Variants in SLC9A9 observed in about 807,000 individuals in gnomAD.
SLC9A9 encodes sodium/hydrogen exchanger 9.
SLC9A9 carries 62 observed loss-of-function variants against 77.8 expected under a neutral mutation model. The observed-to-expected ratio is 0.80, with a 90% CI of 0.65 to 0.98. The LOEUF (loss-of-function observed/expected upper bound fraction) is 0.98. Ranked by LOEUF, SLC9A9 falls within the 50% of genes least tolerant of loss-of-function variation. The pLI is 0.00. For synonymous variants in SLC9A9, 320 were observed against 283.5 expected, an observed-to-expected ratio of 1.13 and a Z score of -1.29; for missense variants, 775 against 774.9, an observed-to-expected ratio of 1.00 and a Z score of 0.00.
At chr3:143,343,296 T>C (rs1346641059) in intron 14 of SLC9A9, 2 of 152,174 alleles carry the variant, frequency 1.3e-5, no homozygotes, top group East Asian at 3.8e-4. Flanking sequence ...TTTTGATTTT[T>C]TTGTAGTGGC....
At chr3:143,644,679 T>C (rs1325254842) in intron 6 of SLC9A9, among the ~76,000 whole-genome samples, 1 of 152,104 alleles carries the variant, frequency 6.6e-6, no homozygotes, top group Non-Finnish European at 1.5e-5. Context: ...ATTCCTGCCA[T>C]GTGATGCCAC....
At chr3:143,709,330 T>C (rs1340516314) in intron 4 of SLC9A9, among the ~76,000 whole-genome samples, 3 of 152,094 alleles carry the variant, frequency 2.0e-5, no homozygotes, top group African/African-American at 7.2e-5. Context: ...CAAAATGCAG[T>C]CAGGGGCCAG....
At chr3:143,325,263 G>C (rs74660882) in intron 14 of SLC9A9, among the ~76,000 whole-genome samples, 3,120 of 152,264 alleles carry the variant, frequency 0.02, 93 homozygotes, top group African/African-American at 0.07. Context: ...GACTGAATGA[G>C]AAAATGCATG....
intron 4 of SLC9A9, among the ~76,000 whole-genome samples, chr3:143,744,586 A>G (rs1314243227): frequency 1.3e-5 from 2 of 152,198 alleles, no homozygotes; most frequent in Non-Finnish European, 2.9e-5. Context: ...TCAGCGAAAA[A>G]GCCTCCTGAT....
intron 9 of SLC9A9, among the ~76,000 whole-genome samples, chr3:143,498,893 T>TA (rs1033828141): frequency 3.2e-4 from 48 of 152,204 alleles, no homozygotes; most frequent in Admixed American, 3.0e-3. Flanking sequence ...TTAGTTCATT[T>TA]AAAAAATTAT....
At chr3:143,506,239 A>T (rs1037192067) in intron 9 of SLC9A9, among the ~76,000 whole-genome samples, 9 of 152,250 alleles carry the variant, frequency 5.9e-5, no homozygotes, top group Non-Finnish European at 1.3e-4. Context: ...TTTGTAATGT[A>T]TATAGTCCAA....
chr3:143,534,173 T>C (rs2036555020), intron 9 of SLC9A9, among the ~76,000 whole-genome samples: 1 of 152,212 alleles, frequency 6.6e-6, no homozygotes, highest in South Asian at 2.1e-4. Flanking sequence ...ATAATAATGT[T>C]TCATGAATCA....
intron 8 of SLC9A9, among the ~76,000 whole-genome samples, chr3:143,561,308 T>C (rs2108646546): frequency 1.3e-5 from 2 of 152,252 alleles, no homozygotes; most frequent in East Asian, 1.9e-4. Context: ...AAAAACCAAA[T>C]AATTATTTAG....
intron 12 of SLC9A9, among the ~76,000 whole-genome samples, chr3:143,407,270 T>G (rs1256758151): frequency 6.6e-6 from 1 of 152,170 alleles, no homozygotes; most frequent in African/African-American, 2.4e-5. Context: ...CATTTCAAAA[T>G]TATTAGACAA....
chr3:143,532,405 G>A (rs911811036), intron 9 of SLC9A9, among the ~76,000 whole-genome samples: 21 of 152,222 alleles, frequency 1.4e-4, no homozygotes, highest in African/African-American at 4.6e-4. Context: ...GTGTAAAGAG[G>A]TCCTGTTATC....
At chr3:143,283,548 A>ATATC (rs1247075921) in intron 14 of SLC9A9, among the ~76,000 whole-genome samples, 1 of 152,196 alleles carries the variant, frequency 6.6e-6, no homozygotes, top group African/African-American at 2.4e-5. Flanking sequence ...CTCCTCAGGC[A>ATATC]TATCTGTGAG....
chr3:143,350,669 G>A (rs554006348), intron 14 of SLC9A9, among the ~76,000 whole-genome samples: 1 of 152,250 alleles, frequency 6.6e-6, no homozygotes, highest in East Asian at 1.9e-4. Flanking sequence ...TTTTCCATTT[G>A]AAATTTACAG....
At chr3:143,569,123 T>G (rs2037218735) in intron 8 of SLC9A9, among the ~76,000 whole-genome samples, 1 of 151,888 alleles carries the variant, frequency 6.6e-6, no homozygotes, top group Admixed American at 6.6e-5. Flanking sequence ...AATCTAAAAA[T>G]TTAATGTACC....
At chr3:143,375,543 C>G (rs2033164733) in intron 13 of SLC9A9, among the ~76,000 whole-genome samples, 1 of 152,154 alleles carries the variant, frequency 6.6e-6, no homozygotes, top group African/African-American at 2.4e-5. Flanking sequence ...GCCCCCTGGT[C>G]CCAGATGAGA....
chr3:143,487,301 A>C (rs1373824884), intron 11 of SLC9A9, among the ~76,000 whole-genome samples: 1 of 151,968 alleles, frequency 6.6e-6, no homozygotes, highest in African/African-American at 2.4e-5. Context: ...AATTTAATGG[A>C]GAAATAGACA....
intron 4 of SLC9A9, among the ~76,000 whole-genome samples, chr3:143,735,045 G>T (rs538776251): frequency 6.6e-6 from 1 of 152,286 alleles, no homozygotes; most frequent in South Asian, 2.1e-4. Context: ...AGCATACTCA[G>T]ATTCGAACAC....
rs372558008 is a variant in SLC9A9, at chr3:143,832,197, C to T, written c.200G>A (p.Arg67Gln). Residue 67 changes from arginine (R) to glutamine (Q), a missense_variant, in exon 2 of 16, where the codon CGA (arginine) becomes CAA (glutamine). Transcript: ENST00000316549. ...VYGLIMGLIL[R>Q]YATAPTDIES... Reference sequence around the variant, plus strand: ...AATATCAGTTGGTGCTGTAGCATATCGTAAAATTAGTCCCATTATAAGGCC... The same window carrying T: ...AATATCAGTTGGTGCTGTAGCATATTGTAAAATTAGTCCCATTATAAGGCC... 7.4e-6 allele frequency: 12 copies of T among 1,611,690 alleles called. No homozygotes were observed. The highest frequency in any genetic ancestry group is 6.7e-5 in the East Asian group (3 of 44,778).
At chr3:143,555,305 A>C (rs2036961795) in intron 8 of SLC9A9, among the ~76,000 whole-genome samples, 1 of 152,188 alleles carries the variant, frequency 6.6e-6, no homozygotes, top group Admixed American at 6.5e-5. Flanking sequence ...CTTTGAGTCC[A>C]TTAAACCTCT....
intron 12 of SLC9A9, among the ~76,000 whole-genome samples, chr3:143,455,577 T>C (rs2035076260): frequency 6.6e-6 from 1 of 152,194 alleles, no homozygotes; most frequent in Non-Finnish European, 1.5e-5. Context: ...ATTTAGTTCT[T>C]TCTTGGTTTC....
Sources: allele counts gnomAD v4.1 joint callset (sites outside exome capture counted in the v4.1 genomes callset), GRCh38; gene constraint gnomAD v4.1.1; transcripts MANE v1.5; gene names NCBI Gene and HGNC (gene_info 2026-07-23, HGNC 2026-07-21).